Variants in TIMP2 observed in about 807,000 individuals in gnomAD.
TIMP2 encodes TIMP metallopeptidase inhibitor 2.
TIMP2 carries 5 observed loss-of-function variants against 24.3 expected under a neutral mutation model. The observed-to-expected ratio is 0.21, with a 90% CI of 0.11 to 0.43. The LOEUF is 0.43. Ranked by LOEUF, TIMP2 falls within the 20% of genes least tolerant of loss-of-function variation. The pLI, the probability that TIMP2 is intolerant of heterozygous loss-of-function variation, is 1.00. For missense variants in TIMP2, 221 were observed against 297.5 expected, an observed-to-expected ratio of 0.74 and a Z score of 1.89; for synonymous variants, 130 against 123.2, an observed-to-expected ratio of 1.06 and a Z score of -0.37.
rs759857451 is a variant in TIMP2 at position 78,891,106 on chromosome 17, A to G, written c.131-17187T>C. ...GGGTCTCTTGTCCAGATTCAGTGCT[A>G]TACAATAATGAGTCCTCTTTGTTGA... On this transcript the variant is annotated intron_variant, in intron 1 of 4. Coordinates refer to ENST00000262768, the MANE Select transcript of TIMP2 (RefSeq NM_003255.5). The surrounding 1 kb of genome is among the most constrained non-coding windows in gnomAD (Gnocchi z 4.5). The G allele has an allele frequency of 3.9e-6, 6 of 1,550,664 alleles. No homozygotes were observed. The African/African-American group carries it at 8.2e-5, about 21-fold the overall frequency.
Position 78,891,495 on chromosome 17 carries a change from A to G in TIMP2, c.131-17576T>C. 6.4e-7 allele frequency: 1 copy of G among 1,551,132 alleles called. No individual in the cohort carries two copies. The highest frequency in any genetic ancestry group is 8.7e-7 in the Non-Finnish European group (1 of 1,147,122). ...AAGGCCAACTCCAGCTCTTTCTGCC[A>G]CTTGTTCTTCTCCCGGAGCGTGCAC... On this transcript the variant is annotated intron_variant, in intron 1 of 4. Coordinates refer to ENST00000262768, the MANE Select transcript of TIMP2 (RefSeq NM_003255.5). The surrounding 1 kb of genome is among the most constrained non-coding windows in gnomAD (Gnocchi z 4.5).
intron 1 of TIMP2, among the ~76,000 whole-genome samples, chr17:78,895,922 T>C (rs2069991815): frequency 6.6e-6 from 1 of 152,248 alleles, no homozygotes; most frequent in African/African-American, 2.4e-5. Flanking sequence ...AAGTCTTCCC[T>C]GCTCTGGAAG....
chr17:78,895,411 T>G (rs2069983769), intron 1 of TIMP2, among the ~76,000 whole-genome samples: 1 of 152,214 alleles, frequency 6.6e-6, no homozygotes, highest in Admixed American at 6.5e-5. Flanking sequence ...AAATGCACAC[T>G]GACCCTGCAG....
At position 78,877,853 on chromosome 17, in the gene TIMP2, G is replaced by A. The variant is rs796648589; in HGVS notation, c.131-3934C>T. Among the ~76,000 whole-genome samples the A allele has an allele frequency of 3.7e-4, 56 of 151,916 alleles. 1 individual carries two copies. The highest frequency in any genetic ancestry group is 1.2e-3 in the African/African-American group (50 of 41,458). On this transcript the variant is annotated intron_variant, in intron 1 of 4. Coordinates refer to ENST00000262768, the MANE Select transcript of TIMP2 (RefSeq NM_003255.5). The stretch of plus-strand genomic sequence containing the variant: ...CAAGTAGCTGGGATTACAGGCACGC[G>A]CCACCATGCCCGGCTAATTTTTTGT...
At chr17:78,890,721 G>A in intron 1 of TIMP2, 1 of 1,550,638 alleles carries the variant, frequency 6.4e-7, no homozygotes, top group Non-Finnish European at 8.7e-7. Flanking sequence ...TGTAAGATCT[G>A]CTGCTGCTGG....
intron 1 of TIMP2, chr17:78,892,421 C>A: frequency 6.5e-7 from 1 of 1,550,200 alleles, no homozygotes; most frequent in East Asian, 2.4e-5. Context: ...CGCCCCCGGG[C>A]CTGAGGAGCC....
In TIMP2 at chr17:78,896,992, G is replaced by C. The variant is rs985615349; in HGVS notation, c.131-23073C>G. The C allele has an allele frequency of 2.1e-5, 21 of 985,338 alleles. 3 individuals carry two copies. The highest frequency in any genetic ancestry group is 2.3e-4 in the East Asian group (2 of 8,804). The allele number at this position is 985,338 out of a possible 1,614,324, so 61.0% of individuals were successfully genotyped here. Reference sequence around the variant, plus strand: ...CTTGAGAATGACGTCCAAGCAGCTCGCCTTTCCCTGGGCGGCCGCTCAGAC... The same window carrying C: ...CTTGAGAATGACGTCCAAGCAGCTCCCCTTTCCCTGGGCGGCCGCTCAGAC... On this transcript the variant is annotated intron_variant, in intron 1 of 4. Coordinates refer to ENST00000262768, the MANE Select transcript of TIMP2 (RefSeq NM_003255.5). The surrounding 1 kb of genome is among the most constrained non-coding windows in gnomAD (Gnocchi z 4.4).
intron 3 of TIMP2, among the ~76,000 whole-genome samples, chr17:78,858,694 A>G (rs2069545054): frequency 1.3e-5 from 2 of 151,998 alleles, no homozygotes; most frequent in South Asian, 4.1e-4. Context: ...CTAATTTTTT[A>G]TATTTTTTTT....
intron 1 of TIMP2, among the ~76,000 whole-genome samples, chr17:78,915,654 G>C (rs1449001991): frequency 6.6e-6 from 1 of 151,952 alleles, no homozygotes; most frequent in Non-Finnish European, 1.5e-5. Context: ...CGAGTAGCTG[G>C]GATTACAGGC....
At chr17:78,864,255 TTTCCTTCC>T (rs574855010) in intron 3 of TIMP2, among the ~76,000 whole-genome samples, 1 of 148,852 alleles carries the variant, frequency 6.7e-6, no homozygotes, top group Non-Finnish European at 1.5e-5. Flanking sequence ...TCATCTCTTC[TTTCCTTCC>T]TTCCTTCCTT....
chr17:78,889,196 A>G (rs964343069), intron 1 of TIMP2, among the ~76,000 whole-genome samples: 4 of 152,232 alleles, frequency 2.6e-5, no homozygotes, highest in African/African-American at 9.6e-5. Context: ...CTCTTTGCAG[A>G]AAAAGTATGT....
At chr17:78,889,579 G>A (rs552339109) in intron 1 of TIMP2, among the ~76,000 whole-genome samples, 65 of 152,312 alleles carry the variant, frequency 4.3e-4, no homozygotes, top group African/African-American at 7.5e-4. Flanking sequence ...AATTGTGCCC[G>A]TCTGACCTTG....
At chr17:78,863,566 C>T (rs1010383597) in intron 3 of TIMP2, among the ~76,000 whole-genome samples, 1 of 152,120 alleles carries the variant, frequency 6.6e-6, no homozygotes, top group Non-Finnish European at 1.5e-5. Context: ...AACTAAAGCT[C>T]TTCAAAATCT....
At chr17:78,859,640 C>T (rs928044391) in intron 3 of TIMP2, among the ~76,000 whole-genome samples, 6 of 150,136 alleles carry the variant, frequency 4.0e-5, no homozygotes, top group Admixed American at 6.6e-5. Flanking sequence ...CCAGCCTGGG[C>T]GACAGAGACA....
chr17:78,895,951 T>C (rs1206511903), intron 1 of TIMP2, among the ~76,000 whole-genome samples: 6 of 152,240 alleles, frequency 3.9e-5, no homozygotes, highest in Non-Finnish European at 8.8e-5. Context: ...GCCCGTTCAA[T>C]GACCTCAGTG....
intron 1 of TIMP2, among the ~76,000 whole-genome samples, chr17:78,912,015 G>C (rs552301676): frequency 1.1e-4 from 17 of 151,528 alleles, no homozygotes; most frequent in African/African-American, 3.9e-4. Context: ...AGTGAGCCAA[G>C]ATTGTGCCAC....
intron 1 of TIMP2, chr17:78,902,044 CT>C: frequency 1.9e-6 from 1 of 527,930 alleles, no homozygotes; most frequent in Non-Finnish European, 3.4e-6. Flanking sequence ...CTGCCAGAGG[CT>C]TGGTTTTCGC....
intron 1 of TIMP2, among the ~76,000 whole-genome samples, chr17:78,886,549 T>C (rs569595331): frequency 6.6e-6 from 1 of 152,204 alleles, no homozygotes; most frequent in African/African-American, 2.4e-5. Context: ...AGGAGCACGG[T>C]GACACCCCAC....
intron 3 of TIMP2, among the ~76,000 whole-genome samples, chr17:78,859,358 A>G (rs1460527073): frequency 6.6e-6 from 1 of 152,200 alleles, no homozygotes; most frequent in Non-Finnish European, 1.5e-5. Context: ...TATGGAAGTC[A>G]TTTAAAAACT....
Sources: gnomAD v4.1 joint callset for allele counts (sites outside exome capture counted in the v4.1 genomes callset) on GRCh38, gnomAD v4.1.1 for gene constraint, Gnocchi (gnomAD v3.1) non-coding constraint, MANE v1.5 for transcripts, NCBI Gene and HGNC (gene_info 2026-07-23, HGNC 2026-07-21) for gene names.